CXADR: variants seen among roughly 807,000 people sequenced by gnomAD.
The protein encoded by CXADR is CXADR cell adhesion molecule, also known as coxsackievirus and adenovirus receptor.
A neutral mutation model predicts 40.3 loss-of-function variants in CXADR; 20 were observed. That is an observed-to-expected ratio of 0.50 (90% CI 0.35 to 0.72). CXADR has a LOEUF of 0.72. CXADR is among the 30% of genes least tolerant of loss of function. CXADR has a pLI of 0.01. For synonymous variants in CXADR, 150 were observed against 161.3 expected, an observed-to-expected ratio of 0.93 and a Z score of 0.53; for missense variants, 332 against 449.1, an observed-to-expected ratio of 0.74 and a Z score of 2.36.
At chr21:17,520,921 T>C (rs1484274717) in intron 1 of CXADR, among the ~76,000 whole-genome samples, 1 of 152,106 alleles carries the variant, frequency 6.6e-6, no homozygotes, top group African/African-American at 2.4e-5. Flanking sequence ...CAGGTAGTAT[T>C]TGAGGTGCCT....
At chr21:17,582,664 G>A (rs2061369695) in intron 7 of CXADR, among the ~76,000 whole-genome samples, 1 of 152,224 alleles carries the variant, frequency 6.6e-6, no homozygotes, top group South Asian at 2.1e-4. Flanking sequence ...TAGCAGCTCT[G>A]GCTGTGTTCA....
At chr21:17,528,688 G>A (rs1463817911) in intron 1 of CXADR, among the ~76,000 whole-genome samples, 1 of 152,110 alleles carries the variant, frequency 6.6e-6, no homozygotes, top group Non-Finnish European at 1.5e-5. Context: ...GATTACAAGC[G>A]TGAGGCAGCA....
At chr21:17,538,189 T>C (rs7283209) in intron 1 of CXADR, among the ~76,000 whole-genome samples, 46,405 of 134,678 alleles carry the variant, frequency 0.34, 8,446 homozygotes, top group African/African-American at 0.55. Context: ...TTAGTAGAGA[T>C]GGGGTTTCAC....
At chr21:17,595,980 T>G (rs1253158179), downstream of CXADR, among the ~76,000 whole-genome samples, 1 of 152,040 alleles carries the variant, frequency 6.6e-6, no homozygotes, top group Non-Finnish European at 1.5e-5. Context: ...CTGGAAGAAC[T>G]AGTGTTTCAT....
intron 7 of CXADR, among the ~76,000 whole-genome samples, chr21:17,576,007 G>T (rs557049353): frequency 8.6e-4 from 127 of 147,004 alleles, no homozygotes; most frequent in Non-Finnish European, 1.2e-3. Flanking sequence ...AGAATCACTT[G>T]AACCTGGGAG....
At chr21:17,620,794 G>C in the CXADR span, among the ~76,000 whole-genome samples, 1 of 152,062 alleles carries the variant, frequency 6.6e-6, no homozygotes, top group Non-Finnish European at 1.5e-5. Context: ...GAGGCACAGA[G>C]AGAAAATAAA....
In CXADR at chr21:17,567,467, C is replaced by G; in HGVS notation, c.*1775C>G. Reference sequence around the variant, plus strand: ...TCTGGTGCCTATGAGCTAGCTATCACCTACCTGAAAGGTGCTTAGAGGTGA... The same window carrying G: ...TCTGGTGCCTATGAGCTAGCTATCAGCTACCTGAAAGGTGCTTAGAGGTGA... On this transcript the variant is annotated 3_prime_UTR_variant, in exon 7 of 7. Transcript: ENST00000284878. 1 of 985,302 alleles carries G rather than the reference C, an allele frequency of 1.0e-6. No individual in the cohort carries two copies. Among genetic ancestry groups the G allele is most frequent in the Non-Finnish European group, 1.2e-6 (1 of 829,814 alleles). The allele number at this position is 985,302 out of a possible 1,614,324, so 61.0% of individuals were successfully genotyped here. A position where few individuals can be genotyped will look rare whatever the true frequency, so the allele number is the denominator to read the frequency against.
chr21:17,630,139 C>T, the CXADR span, among the ~76,000 whole-genome samples: 38 of 151,840 alleles, frequency 2.5e-4, no homozygotes, highest in Non-Finnish European at 5.3e-4. Flanking sequence ...AAAAGACAGT[C>T]GAATGAAAGT....
intron 7 of CXADR, among the ~76,000 whole-genome samples, chr21:17,586,950 CGTT>C (rs1279914984): frequency 1.3e-5 from 2 of 152,144 alleles, no homozygotes; most frequent in East Asian, 1.9e-4. Context: ...CATGTGTTCT[CGTT>C]GTTCAATTCC....
chr21:17,523,844 AG>A lies in CXADR; in HGVS notation c.43+10674del, dbSNP rs202228476. 2.0e-5 allele frequency among the ~76,000 whole-genome samples: 3 copies of A among 151,992 alleles called. No individual in the cohort carries two copies. The East Asian group carries it at 5.8e-4, about 29-fold the overall frequency. ...TAATTGTTCAATTGGGTTTGGATTT[AG>A]GTTGGTTCTTTTTATTTTTCTTTTT... On this transcript the variant is annotated intron_variant, in intron 1 of 6. Transcript: ENST00000284878.
chr21:17,593,953 C>T, downstream of CXADR: 1 of 1,031,850 alleles, frequency 9.7e-7, no homozygotes, highest in Non-Finnish European at 1.4e-6. Context: ...AGATTATTCT[C>T]AATAACTTCT....
chr21:17,544,552 G>A (rs970528367), intron 1 of CXADR, among the ~76,000 whole-genome samples: 1 of 152,200 alleles, frequency 6.6e-6, no homozygotes, highest in Admixed American at 6.5e-5. Context: ...CTAGGGCTGA[G>A]TGTTCGAGGG....
intron 2 of CXADR, among the ~76,000 whole-genome samples, chr21:17,548,318 C>G (rs750301469): frequency 1.3e-5 from 2 of 152,130 alleles, no homozygotes; most frequent in Non-Finnish European, 2.9e-5. Context: ...AATTAAGGTG[C>G]TTTCCCAAGT....
chr21:17,574,787 T>C (rs2061306726), downstream of CXADR, among the ~76,000 whole-genome samples: 1 of 152,086 alleles, frequency 6.6e-6, no homozygotes, highest in Admixed American at 6.6e-5. Flanking sequence ...TTGAACATGT[T>C]GAGTTTGAGA....
chr21:17,630,114 C>A, the CXADR span, among the ~76,000 whole-genome samples: 4 of 151,982 alleles, frequency 2.6e-5, no homozygotes, highest in Non-Finnish European at 5.9e-5. Flanking sequence ...ATATTGGGCT[C>A]TTTCTTGAAT....
At chr21:17,575,418 G>A (rs879305460) in intron 7 of CXADR, among the ~76,000 whole-genome samples, 4 of 151,894 alleles carry the variant, frequency 2.6e-5, no homozygotes, top group Non-Finnish European at 5.9e-5. Context: ...CTGAACTCAA[G>A]TGATACCCCT....
At chr21:17,524,014 A>G (rs1315582560) in intron 1 of CXADR, among the ~76,000 whole-genome samples, 1 of 151,284 alleles carries the variant, frequency 6.6e-6, no homozygotes, top group Non-Finnish European at 1.5e-5. Flanking sequence ...GCTCACCACC[A>G]TGCCCAGGCG....
chr21:17,580,856 T>C (rs1290347017), intron 7 of CXADR, among the ~76,000 whole-genome samples: 1 of 152,054 alleles, frequency 6.6e-6, no homozygotes, highest in East Asian at 1.9e-4. Context: ...GCTCAAGCAG[T>C]CCTCCCACCT....
At chr21:17,536,316 A>C (rs1387212791) in intron 1 of CXADR, among the ~76,000 whole-genome samples, 1 of 152,244 alleles carries the variant, frequency 6.6e-6, no homozygotes, top group Non-Finnish European at 1.5e-5. Context: ...TCATCAAAAA[A>C]TAAGTATCCT....
Sources: allele counts gnomAD v4.1 joint callset (sites outside exome capture counted in the v4.1 genomes callset), GRCh38; gene constraint gnomAD v4.1.1; transcripts MANE v1.5; gene names NCBI Gene and HGNC (gene_info 2026-07-23, HGNC 2026-07-21).